Variants in MARCHF8 observed in about 807,000 individuals in gnomAD.
MARCHF8 encodes the protein membrane associated ring-CH-type finger 8.
Under a neutral mutation model 51.6 loss-of-function variants are expected in MARCHF8, and 40 were observed. The ratio of observed to expected loss-of-function variants is 0.77; its 90% CI spans 0.60 to 1.01. MARCHF8 has a LOEUF of 1.01. Among genes scored for constraint, MARCHF8 ranks in the 50% least tolerant of loss-of-function variants. MARCHF8 has a pLI of 0.00. For synonymous variants in MARCHF8, 263 were observed against 280.3 expected, an observed-to-expected ratio of 0.94 and a Z score of 0.62; for missense variants, 685 against 708.6, an observed-to-expected ratio of 0.97 and a Z score of 0.38.
chr10:45,561,558 G>A (rs1326333875), intron 1 of MARCHF8, among the ~76,000 whole-genome samples: 2 of 151,428 alleles, frequency 1.3e-5, no homozygotes, highest in East Asian at 3.9e-4. Context: ...ACAGGCGTGA[G>A]CCACCACGCC....
At chr10:45,559,029 G>A (rs1436158795) in intron 1 of MARCHF8, among the ~76,000 whole-genome samples, 1 of 152,176 alleles carries the variant, frequency 6.6e-6, no homozygotes, top group African/African-American at 2.4e-5. Context: ...AAAAGGTATA[G>A]TTTAAGATGT....
intron 1 of MARCHF8, among the ~76,000 whole-genome samples, chr10:45,543,926 C>G (rs1037086787): frequency 2.0e-5 from 3 of 151,450 alleles, no homozygotes; most frequent in Non-Finnish European, 4.4e-5. Flanking sequence ...ATATGAGAGC[C>G]AGGCTCTCAT....
chr10:45,538,578 C>T (rs1170281714), upstream of MARCHF8, among the ~76,000 whole-genome samples: 2 of 152,144 alleles, frequency 1.3e-5, no homozygotes, highest in East Asian at 1.9e-4. Flanking sequence ...ACCCATCTCA[C>T]GTGTAGAGAC....
intron 1 of MARCHF8, among the ~76,000 whole-genome samples, chr10:45,571,988 C>T (rs906552547): frequency 1.1e-4 from 17 of 152,236 alleles, no homozygotes; most frequent in South Asian, 1.0e-3. Context: ...GTCTTATCAC[C>T]GCGGGGACGC....
intron 2 of MARCHF8, among the ~76,000 whole-genome samples, chr10:45,525,815 A>G (rs1362494823): frequency 6.6e-6 from 1 of 152,232 alleles, no homozygotes. Context: ...CAATTCCCAT[A>G]GAAGGACATT....
At chr10:45,560,247 C>T (rs775107359) in intron 1 of MARCHF8, among the ~76,000 whole-genome samples, 70 of 152,128 alleles carry the variant, frequency 4.6e-4, no homozygotes, top group Admixed American at 1.0e-3. Flanking sequence ...GTGGTAGGAA[C>T]AATTGCAGAA....
chr10:45,563,948 C>G (rs1388658580), intron 1 of MARCHF8, among the ~76,000 whole-genome samples: 1 of 152,154 alleles, frequency 6.6e-6, no homozygotes, highest in Non-Finnish European at 1.5e-5. Context: ...AACACATGGT[C>G]TTATTGAGCA....
chr10:45,563,063 G>A (rs1379272311), intron 1 of MARCHF8, among the ~76,000 whole-genome samples: 1 of 151,250 alleles, frequency 6.6e-6, no homozygotes, highest in Non-Finnish European at 1.5e-5. Context: ...GTCTCACTCT[G>A]TCACCCAGGC....
intron 1 of MARCHF8, among the ~76,000 whole-genome samples, chr10:45,579,908 G>C (rs753747676): frequency 6.6e-6 from 1 of 150,462 alleles, no homozygotes; most frequent in African/African-American, 2.4e-5. Flanking sequence ...AGCTACTCGG[G>C]AGGCTGAGAC....
At chr10:45,516,448 C>A (rs2043619368) in intron 2 of MARCHF8, among the ~76,000 whole-genome samples, 1 of 149,068 alleles carries the variant, frequency 6.7e-6, no homozygotes, top group Non-Finnish European at 1.5e-5. Flanking sequence ...CTGTGCCTGG[C>A]TCAAACTGAT....
At chr10:45,534,436 C>T (rs935385180) in intron 1 of MARCHF8, among the ~76,000 whole-genome samples, 3 of 152,080 alleles carry the variant, frequency 2.0e-5, no homozygotes, top group African/African-American at 7.2e-5. Context: ...ATTCCAGGTA[C>T]TCCTGCCCTG....
intron 3 of MARCHF8, among the ~76,000 whole-genome samples, chr10:45,483,087 A>G (rs967200574): frequency 6.6e-6 from 1 of 152,202 alleles, no homozygotes; most frequent in Non-Finnish European, 1.5e-5. Flanking sequence ...CTAGGCAATG[A>G]TTTTATGGCT....
chr10:45,551,250 G>A (rs1199683451), intron 1 of MARCHF8, among the ~76,000 whole-genome samples: 3 of 152,106 alleles, frequency 2.0e-5, no homozygotes, highest in Non-Finnish European at 4.4e-5. Context: ...TATTCACCAG[G>A]CCCTCCCTGT....
intron 2 of MARCHF8, among the ~76,000 whole-genome samples, chr10:45,504,384 C>T (rs2133159509): frequency 6.6e-6 from 1 of 152,314 alleles, no homozygotes; most frequent in South Asian, 2.1e-4. Context: ...GCGGAGGTTG[C>T]GGTGAGCCGA....
intron 2 of MARCHF8, among the ~76,000 whole-genome samples, chr10:45,495,523 G>A (rs1050881034): frequency 2.0e-5 from 3 of 152,084 alleles, no homozygotes; most frequent in South Asian, 2.1e-4. Context: ...GCAGGAAGAA[G>A]CCCTCTCCAT....
chr10:45,541,761 C>G (rs17157898), intron 1 of MARCHF8, among the ~76,000 whole-genome samples: 9,375 of 152,050 alleles, frequency 0.062, 332 homozygotes, highest in Non-Finnish European at 0.066. Flanking sequence ...GAAGAGGGAA[C>G]GTTGGGTAAG....
intron 1 of MARCHF8, among the ~76,000 whole-genome samples, chr10:45,570,288 G>A (rs2044414716): frequency 6.6e-6 from 1 of 152,070 alleles, no homozygotes; most frequent in African/African-American, 2.4e-5. Context: ...ATCAAAATCA[G>A]TAACTTACAA....
chr10:45,481,016 T>C (rs2042875620), intron 3 of MARCHF8, among the ~76,000 whole-genome samples: 1 of 152,264 alleles, frequency 6.6e-6, no homozygotes, highest in African/African-American at 2.4e-5. Flanking sequence ...GGGGCAGAGC[T>C]GCCAAAGGCC....
chr10:45,568,715 CAAAAAA>C (rs71023130), intron 1 of MARCHF8, among the ~76,000 whole-genome samples: 3 of 75,586 alleles, frequency 4.0e-5, no homozygotes, highest in African/African-American at 5.3e-5. Context: ...GAGACTGTTT[CAAAAAA>C]AAAAAAAAAA....
Sources: allele counts gnomAD v4.1 joint callset (sites outside exome capture counted in the v4.1 genomes callset), GRCh38; gene constraint gnomAD v4.1.1; transcripts MANE v1.5; gene names NCBI Gene and HGNC (gene_info 2026-07-23, HGNC 2026-07-21).